CAMK2A: variants seen among roughly 807,000 people sequenced by gnomAD.
The protein encoded by CAMK2A is calcium/calmodulin dependent protein kinase II alpha, also known as calcium/calmodulin-dependent protein kinase type II subunit alpha.
A neutral mutation model predicts 79.2 loss-of-function variants in CAMK2A; 7 were observed. The ratio of observed to expected loss-of-function variants is 0.09; its 90% CI spans 0.05 to 0.17. CAMK2A has a LOEUF of 0.17. Among genes scored for constraint, CAMK2A ranks in the 10% least tolerant of loss-of-function variants. The pLI is 1.00. For missense variants in CAMK2A, 214 were observed against 646.4 expected, an observed-to-expected ratio of 0.33 and a Z score of 7.25; for synonymous variants, 242 against 251.7, an observed-to-expected ratio of 0.96 and a Z score of 0.36.
intron 17 of CAMK2A, among the ~76,000 whole-genome samples, chr5:150,225,373 G>A (rs889006443): frequency 6.6e-6 from 1 of 152,190 alleles, no homozygotes; most frequent in Admixed American, 6.5e-5. Flanking sequence ...GGGCCCTGGA[G>A]GGTGGAACTT....
At chr5:150,260,972 A>G (rs1054896940) in intron 3 of CAMK2A, among the ~76,000 whole-genome samples, 14 of 152,172 alleles carry the variant, frequency 9.2e-5, no homozygotes, top group Non-Finnish European at 1.9e-4. Context: ...TGCAGCTAGA[A>G]TCATCTCAGA....
At chr5:150,239,888 A>G in intron 13 of CAMK2A, 152 bp from the exon 14 acceptor site, 1 of 705,782 alleles carries the variant, frequency 1.4e-6, no homozygotes. Flanking sequence ...ACAAGGAGTC[A>G]AGGAGTCAAG....
chr5:150,280,324 C>T (rs1389554913), intron 1 of CAMK2A, among the ~76,000 whole-genome samples: 1 of 152,086 alleles, frequency 6.6e-6, no homozygotes, highest in Non-Finnish European at 1.5e-5. Flanking sequence ...TTGTCTGGGC[C>T]CCTTACGGTA....
At chr5:150,267,073 G>C (rs1756543147) in intron 2 of CAMK2A, among the ~76,000 whole-genome samples, 2 of 152,216 alleles carry the variant, frequency 1.3e-5, no homozygotes, top group Non-Finnish European at 2.9e-5. Flanking sequence ...CTGAAAACCA[G>C]CTGCAAGCTA....
intron 3 of CAMK2A, among the ~76,000 whole-genome samples, chr5:150,259,549 T>A (rs1389609378): frequency 6.6e-6 from 1 of 152,106 alleles, no homozygotes; most frequent in Non-Finnish European, 1.5e-5. Flanking sequence ...TAAAATGAAA[T>A]TTTAAAACAT....
chr5:150,269,031 G>A (rs2150298507), intron 2 of CAMK2A, among the ~76,000 whole-genome samples: 1 of 152,140 alleles, frequency 6.6e-6, no homozygotes, highest in South Asian at 2.1e-4. Flanking sequence ...CTCCCAAAGT[G>A]CTGGGATTAA....
chr5:150,231,559 G>A (rs923530301), intron 15 of CAMK2A, among the ~76,000 whole-genome samples, 179 bp from the exon 16 acceptor site: 1 of 151,140 alleles, frequency 6.6e-6, no homozygotes, highest in African/African-American at 2.4e-5. Flanking sequence ...CATTGCTGCT[G>A]GGGGCTAGGC....
At chr5:150,235,618 G>T (rs565737800) in intron 15 of CAMK2A, among the ~76,000 whole-genome samples, 3 of 152,230 alleles carry the variant, frequency 2.0e-5, no homozygotes, top group African/African-American at 7.2e-5. Context: ...CAGGAGGGAT[G>T]GGGGAGTGGG....
intron 17 of CAMK2A, among the ~76,000 whole-genome samples, chr5:150,227,496 A>G (rs989105851): frequency 1.3e-5 from 2 of 152,170 alleles, no homozygotes; most frequent in African/African-American, 4.8e-5. Context: ...CCTAAGCTGC[A>G]TGATTCTAAC....
At chr5:150,237,425 G>A (rs1755132251) in intron 15 of CAMK2A, among the ~76,000 whole-genome samples, 1 of 151,866 alleles carries the variant, frequency 6.6e-6, no homozygotes, top group Admixed American at 6.6e-5. Context: ...CTGAGTGTGT[G>A]AACCACTGAG....
At chr5:150,245,254 C>CCG in intron 12 of CAMK2A, 53 bp from the exon 13 acceptor site, 1 of 1,578,220 alleles carries the variant, frequency 6.3e-7, no homozygotes, top group Non-Finnish European at 8.7e-7. Flanking sequence ...GCACCAGGGC[C>CCG]CACAGGGCGA....
intron 2 of CAMK2A, among the ~76,000 whole-genome samples, chr5:150,265,887 A>T (rs13436087): frequency 0.096 from 14,506 of 151,252 alleles, 1,800 homozygotes; most frequent in African/African-American, 0.29. Context: ...GTGAGCTGAG[A>T]TCACGCCACT....
chr5:150,265,712 C>T (rs1756485097), intron 2 of CAMK2A, among the ~76,000 whole-genome samples: 1 of 152,118 alleles, frequency 6.6e-6, no homozygotes, highest in Non-Finnish European at 1.5e-5. Flanking sequence ...GAGGCCGAGG[C>T]AAGTGGATCA....
chr5:150,240,307 A>G (rs1337861565), intron 13 of CAMK2A, among the ~76,000 whole-genome samples: 1 of 152,144 alleles, frequency 6.6e-6, no homozygotes, highest in Non-Finnish European at 1.5e-5. Context: ...CTCCATTTTA[A>G]ACAATATCTG....
intron 7 of CAMK2A, among the ~76,000 whole-genome samples, chr5:150,252,992 G>A (rs1030626877): frequency 1.3e-5 from 2 of 152,206 alleles, no homozygotes; most frequent in Non-Finnish European, 2.9e-5. Flanking sequence ...AAGCAGGCTG[G>A]ATCATCTGAG....
intron 1 of CAMK2A, 53 bp from the exon 2 acceptor site, chr5:150,273,212 C>T (rs1756823343): frequency 2.9e-6 from 4 of 1,383,040 alleles, no homozygotes; most frequent in African/African-American, 2.8e-5. Context: ...GGGCTGTGTC[C>T]CTAGGAGATG....
Position 150,287,866 on chromosome 5 carries a change from T to G in CAMK2A, c.62+1698A>C, listed in dbSNP as rs1364735672. On this transcript the variant is annotated intron_variant, in intron 1 of 18. Transcript: ENST00000671881. ...TTCAGAAAAGCTGAAAGTCTGCAGA[T>G]AAGAGTGAACACACGTACACATGGG... 3.3e-5 allele frequency among the ~76,000 whole-genome samples: 5 copies of G among 151,610 alleles called. No individual in the cohort carries two copies. The East Asian group carries it at 7.8e-4, about 24-fold the overall frequency.
chr5:150,276,267 A>G (rs1206994980), intron 1 of CAMK2A, among the ~76,000 whole-genome samples: 1 of 152,062 alleles, frequency 6.6e-6, no homozygotes, highest in Non-Finnish European at 1.5e-5. Flanking sequence ...CGGCTCCTCC[A>G]CCTGCTTATT....
At chr5:150,257,795 C>T (rs185415942) in intron 3 of CAMK2A, among the ~76,000 whole-genome samples, 178 bp from the exon 4 acceptor site, 27 of 152,208 alleles carry the variant, frequency 1.8e-4, no homozygotes, top group Admixed American at 3.3e-4. Flanking sequence ...GCATTGAGTC[C>T]GAATAGACCT....
Sources: allele counts gnomAD v4.1 joint callset (sites outside exome capture counted in the v4.1 genomes callset), GRCh38; gene constraint gnomAD v4.1.1; transcripts MANE v1.5; gene names NCBI Gene and HGNC (gene_info 2026-07-23, HGNC 2026-07-21).